KAT2B: variants seen among roughly 807,000 people sequenced by gnomAD.
KAT2B encodes the protein lysine acetyltransferase 2B, also known as histone acetyltransferase KAT2B.
KAT2B carries 36 observed loss-of-function variants against 105.9 expected under a neutral mutation model. The observed-to-expected ratio is 0.34, with a 90% CI of 0.26 to 0.45. The LOEUF is 0.45. Among genes scored for constraint, KAT2B ranks in the 20% least tolerant of loss-of-function variants. The pLI, the probability that KAT2B is intolerant of heterozygous loss-of-function variation, is 1.00. For synonymous variants in KAT2B, 397 were observed against 377.9 expected (o/e 1.05, Z -0.59); for missense variants, 820 against 1,021.6 (o/e 0.80, Z 2.69).
At chr3:20,065,645 A>G (rs189945140) in intron 1 of KAT2B, among the ~76,000 whole-genome samples, 5 of 152,224 alleles carry the variant, frequency 3.3e-5, no homozygotes, top group East Asian at 3.9e-4. Flanking sequence ...AATTTTGTAC[A>G]CTTAGGTTGT....
Position 20,152,383 on chromosome 3 carries a change from A to C in KAT2B, c.2357A>C (p.Lys786Thr). The change falls in exon 18 of 18, where the codon AAA (lysine) becomes ACA (threonine). Residue 786 changes from lysine (K) to threonine (T), a missense_variant. By Grantham distance (78) the Lys-to-Thr change is moderately conservative. Around this residue, in one of 6 missense-constraint regions of KAT2B, gnomAD observed 227 missense variants for 292.9 expected, o/e 0.77. Coordinates refer to ENST00000263754, the MANE Select transcript of KAT2B (RefSeq NM_003884.5). Reference sequence around the variant, plus strand: ...AAGAATAGGTACTACGTGTCTAAGAAATTATTCATGGCAGACTTACAGCGA... The same window carrying C: ...AAGAATAGGTACTACGTGTCTAAGACATTATTCATGGCAGACTTACAGCGA... The part of the protein sequence containing the change: ...RLKNRYYVSK[K>T]LFMADLQRVF... 1 of 1,613,590 alleles carries C rather than the reference A, an allele frequency of 6.2e-7. No homozygotes were observed. The highest frequency in any genetic ancestry group is 8.5e-7 in the Non-Finnish European group (1 of 1,179,654).
intron 2 of KAT2B, among the ~76,000 whole-genome samples, chr3:20,084,619 C>T (rs1374260637): frequency 6.6e-6 from 1 of 151,876 alleles, no homozygotes; most frequent in African/African-American, 2.4e-5. Flanking sequence ...ATCACAAAAC[C>T]ACAAGCACAT....
rs1472492028 is a variant in KAT2B, at chr3:20,144,296, T to C, written c.2005-2020T>C. Among the ~76,000 whole-genome samples the C allele has an allele frequency of 1.6e-4, 14 of 89,452 alleles. 1 individual carries two copies. Among genetic ancestry groups the C allele is most frequent in the Admixed American group, 4.9e-4 (4 of 8,110 alleles). 58.7% of individuals were successfully genotyped at this position (89,452 alleles called of 152,430 possible). A position where few individuals can be genotyped will look rare whatever the true frequency, so the allele number is the denominator to read the frequency against. ...GGATTCTTTTTTTTTTTTTTTTTTTTTTTTTTTTTTGAGACAGCGTCTCAC... is the reference window on the plus strand; with the variant it reads ...GGATTCTTTTTTTTTTTTTTTTTTTCTTTTTTTTTTGAGACAGCGTCTCAC... On this transcript the variant is annotated intron_variant, in intron 13 of 17. Coordinates refer to ENST00000263754, the MANE Select transcript of KAT2B (RefSeq NM_003884.5).
At chr3:20,131,010 CTTTTTTTTT>C (rs148208028) in intron 11 of KAT2B, among the ~76,000 whole-genome samples, 4 of 74,706 alleles carry the variant, frequency 5.4e-5, no homozygotes. Flanking sequence ...GTTTCCTGGC[CTTTTTTTTT>C]TTTTTTTTTT....
chr3:20,120,526 C>T (rs1699289983), intron 8 of KAT2B, among the ~76,000 whole-genome samples: 1 of 152,178 alleles, frequency 6.6e-6, no homozygotes, highest in South Asian at 2.1e-4. Flanking sequence ...CCATACCCTG[C>T]TGACTTCTGC....
At chr3:20,115,671 G>A (rs1178354940) in intron 7 of KAT2B, among the ~76,000 whole-genome samples, 1 of 152,106 alleles carries the variant, frequency 6.6e-6, no homozygotes, top group Non-Finnish European at 1.5e-5. Context: ...TTACTGTACT[G>A]TGTTTTGACA....
intron 13 of KAT2B, 50 bp from the exon 14 acceptor site, chr3:20,146,266 G>A (rs1453492155): frequency 4.8e-6 from 5 of 1,042,216 alleles, no homozygotes; most frequent in South Asian, 3.8e-5. Context: ...GACTTGAACT[G>A]TATCCATAGA....
chr3:20,059,412 C>CCCA (rs1698058978), intron 1 of KAT2B, among the ~76,000 whole-genome samples: 1 of 38,336 alleles, frequency 2.6e-5, no homozygotes, highest in Non-Finnish European at 4.5e-5. Context: ...GACTCTGTCT[C>CCCA]AAAAAAAAAA....
chr3:20,057,364 A>C (rs1698019609), intron 1 of KAT2B, among the ~76,000 whole-genome samples: 1 of 152,210 alleles, frequency 6.6e-6, no homozygotes, highest in African/African-American at 2.4e-5. Context: ...TGTGAGAGTC[A>C]TCATCTCAGA....
intron 1 of KAT2B, among the ~76,000 whole-genome samples, chr3:20,045,325 T>G (rs1697790852): frequency 1.1e-3 from 10 of 9,294 alleles, no homozygotes; most frequent in Admixed American, 0.01. Flanking sequence ...GCCTATTTAT[T>G]TATTTATTTA....
chr3:20,129,558 T>TAGAGATGAGGTTTCGCCATGTTGGCC (rs1270388851), intron 11 of KAT2B, among the ~76,000 whole-genome samples: 2 of 152,012 alleles, frequency 1.3e-5, no homozygotes, highest in Non-Finnish European at 2.9e-5. Flanking sequence ...GTATTTTTAG[T>TAGAGATGAGGTTTCGCCATGTTGGCC]AGAGATGAGG....
intron 1 of KAT2B, among the ~76,000 whole-genome samples, chr3:20,069,969 A>G (rs1446693566): frequency 6.6e-6 from 1 of 151,964 alleles, no homozygotes; most frequent in African/African-American, 2.4e-5. Context: ...GATCTTTGCA[A>G]CCTCTGAAGA....
chr3:20,057,567 C>G (rs1436892934), intron 1 of KAT2B, among the ~76,000 whole-genome samples: 1 of 152,220 alleles, frequency 6.6e-6, no homozygotes, highest in Non-Finnish European at 1.5e-5. Context: ...GTGTCGAAGT[C>G]TGAGCTGACT....
chr3:20,094,654 T>C (rs1698778742), intron 2 of KAT2B, among the ~76,000 whole-genome samples: 1 of 152,128 alleles, frequency 6.6e-6, no homozygotes, highest in African/African-American at 2.4e-5. Flanking sequence ...GGTTTGCAGC[T>C]GGATCACGGA....
chr3:20,052,508 G>C (rs1326925508), intron 1 of KAT2B, among the ~76,000 whole-genome samples: 1 of 152,114 alleles, frequency 6.6e-6, no homozygotes, highest in Non-Finnish European at 1.5e-5. Context: ...TTGGTAATTT[G>C]ATATTCACAG....
At chr3:20,109,283 CAGATAGAT>C (rs111929078) in intron 5 of KAT2B, among the ~76,000 whole-genome samples, 5,615 of 149,314 alleles carry the variant, frequency 0.038, 264 homozygotes, top group East Asian at 0.21. Context: ...CCCTCAGCCC[CAGATAGAT>C]AGATAGATAG....
chr3:20,147,169 C>T (rs1262033435), intron 14 of KAT2B, among the ~76,000 whole-genome samples: 1 of 152,070 alleles, frequency 6.6e-6, no homozygotes, highest in Non-Finnish European at 1.5e-5. Flanking sequence ...ATCAAACAAG[C>T]AAAAATTTTC....
In KAT2B at chr3:20,126,028, A is replaced by G; in HGVS notation, c.1537A>G (p.Met513Val). 6.2e-7 allele frequency: 1 copy of G among 1,614,152 alleles called. No individual in the cohort carries two copies. The highest frequency in any genetic ancestry group is 8.5e-7 in the Non-Finnish European group (1 of 1,180,020). ...CCAGAAACCAAACAAGAAGATCCTG[A>G]TGTGGCTGGTTGGCCTACAGAACGT... ...LNQKPNKKIL[M>V]WLVGLQNVFS... Residue 513 changes from methionine (M) to valine (V), a missense_variant, in exon 10 of 18, where the codon ATG becomes GTG. Transcript: ENST00000263754.
At chr3:20,092,777 C>T (rs1181145195) in intron 2 of KAT2B, among the ~76,000 whole-genome samples, 1 of 152,050 alleles carries the variant, frequency 6.6e-6, no homozygotes, top group Non-Finnish European at 1.5e-5. Flanking sequence ...TGTCGGCTCA[C>T]TGCAATCTCC....
Sources: gnomAD v4.1 joint callset for allele counts (sites outside exome capture counted in the v4.1 genomes callset) on GRCh38, gnomAD v4.1.1 for gene constraint, gnomAD v4.1.1 regional missense constraint, MANE v1.5 for transcripts, NCBI Gene and HGNC (gene_info 2026-07-23, HGNC 2026-07-21) for gene names.